Variants in THSD7A observed in about 807,000 individuals in gnomAD.
THSD7A encodes the protein thrombospondin type-1 domain-containing protein 7A.
THSD7A carries 96 observed loss-of-function variants against 231.3 expected under a neutral mutation model. The observed-to-expected ratio is 0.41, with a 90% confidence interval of 0.35 to 0.49. The LOEUF (loss-of-function observed/expected upper bound fraction) is 0.49. Among genes scored for constraint, THSD7A ranks in the 20% least tolerant of loss-of-function variants. THSD7A has a pLI of 0.05. For synonymous variants in THSD7A, 940 were observed against 743.3 expected (o/e 1.26, Z -4.30); for missense variants, 2,290 against 2,070.2 (o/e 1.11, Z -2.06).
intron 22 of THSD7A, among the ~76,000 whole-genome samples, chr7:11,405,162 T>TA: frequency 6.6e-6 from 1 of 151,708 alleles, no homozygotes; most frequent in East Asian, 1.9e-4. Context: ...ATTTTTTTTT[T>TA]TTTTTACGAA....
intron 2 of THSD7A, among the ~76,000 whole-genome samples, chr7:11,604,882 A>C (rs565118206): frequency 1.3e-5 from 2 of 152,258 alleles, no homozygotes; most frequent in African/African-American, 4.8e-5. Flanking sequence ...GATGGCATAT[A>C]TGCTTCTTAG....
intron 6 of THSD7A, among the ~76,000 whole-genome samples, chr7:11,497,095 A>G (rs1269805791): frequency 3.3e-5 from 5 of 152,186 alleles, no homozygotes; most frequent in Non-Finnish European, 2.9e-5. Flanking sequence ...ATCATGGTGG[A>G]AGGGGAAGCA....
intron 1 of THSD7A, among the ~76,000 whole-genome samples, chr7:11,645,449 G>C (rs534454217): frequency 6.6e-6 from 1 of 151,892 alleles, no homozygotes; most frequent in South Asian, 2.1e-4. Flanking sequence ...TAAATACAGA[G>C]ATTAATAAGT....
At chr7:11,592,953 C>T (rs1360091965) in intron 3 of THSD7A, among the ~76,000 whole-genome samples, 1 of 151,942 alleles carries the variant, frequency 6.6e-6, no homozygotes, top group African/African-American at 2.4e-5. Flanking sequence ...TGAGTCATTG[C>T]AATAGAGACA....
chr7:11,782,105 A>G lies in THSD7A; in HGVS notation c.190+49652T>C, dbSNP rs1021331461. On this transcript the variant is annotated intron_variant, in intron 1 of 27. Coordinates refer to ENST00000423059, the MANE Select transcript of THSD7A (RefSeq NM_015204.3). ...GGTTAAAAACCACTATTATGGGTATAAAGTTGTAATGTAATTTTTTTAAAA... is the reference window on the plus strand; with the variant it reads ...GGTTAAAAACCACTATTATGGGTATGAAGTTGTAATGTAATTTTTTTAAAA... Among the ~76,000 whole-genome samples, 12 of 152,194 alleles carry G rather than the reference A, an allele frequency of 7.9e-5. No individual in the cohort carries two copies. In the East Asian group the frequency reaches 2.3e-3, roughly 29 times the overall value.
At chr7:11,423,508 A>G (rs972974890) in intron 16 of THSD7A, among the ~76,000 whole-genome samples, 9 of 151,886 alleles carry the variant, frequency 5.9e-5, no homozygotes, top group South Asian at 2.1e-4. Flanking sequence ...AGCTGGGACT[A>G]CAGGTGCCCG....
chr7:11,535,265 C>T (rs2107143), intron 6 of THSD7A, among the ~76,000 whole-genome samples: 113,730 of 152,032 alleles, frequency 0.75, 43,342 homozygotes, highest in African/African-American at 0.88. Flanking sequence ...TCAACTCTGA[C>T]GGTTTTTTCT....
At position 11,446,749 on chromosome 7, in the gene THSD7A, G is replaced by C. The variant is rs185378196; in HGVS notation, c.2801-425C>G. The stretch of plus-strand genomic sequence containing the variant: ...AATATTTCAAATGCACCAAGCTTTA[G>C]TTCAGAGTGATGGATCCTAATCCTG... On this transcript the variant is annotated intron_variant, in intron 12 of 27. Transcript: ENST00000423059. The surrounding 1 kb of genome is among the most constrained non-coding windows in gnomAD (Gnocchi z 4.0). Among the ~76,000 whole-genome samples the C allele has an allele frequency of 1.2e-4, 18 of 152,218 alleles. 1 individual carries two copies. In the East Asian group the frequency reaches 3.5e-3, roughly 29 times the overall value.
intron 7 of THSD7A, among the ~76,000 whole-genome samples, chr7:11,476,332 C>T (rs566691162): frequency 9.8e-4 from 147 of 149,868 alleles, no homozygotes; most frequent in African/African-American, 3.4e-3. Context: ...CACACACACA[C>T]ACACACACAC....
intron 4 of THSD7A, among the ~76,000 whole-genome samples, chr7:11,543,495 A>C (rs1789240743): frequency 6.6e-6 from 1 of 152,220 alleles, no homozygotes; most frequent in Admixed American, 6.5e-5. Flanking sequence ...GAACAAAAAT[A>C]GGAGGGGGAC....
chr7:11,585,121 A>C (rs1391920882), intron 4 of THSD7A, among the ~76,000 whole-genome samples: 1 of 152,172 alleles, frequency 6.6e-6, no homozygotes, highest in Non-Finnish European at 1.5e-5. Flanking sequence ...TTTTTGGTTG[A>C]ATACTTCCTG....
chr7:11,662,918 A>T (rs1489919852), intron 1 of THSD7A, among the ~76,000 whole-genome samples: 1 of 151,422 alleles, frequency 6.6e-6, no homozygotes, highest in Non-Finnish European at 1.5e-5. Flanking sequence ...AGAATAAGAA[A>T]ACTTATCATT....
intron 2 of THSD7A, 141 bp downstream of exon 2, chr7:11,635,989 C>G: frequency 1.4e-6 from 1 of 703,186 alleles, no homozygotes; most frequent in Non-Finnish European, 2.3e-6. Context: ...CACACAAGCT[C>G]AGAAGCCTTA....
intron 1 of THSD7A, among the ~76,000 whole-genome samples, chr7:11,727,258 C>T (rs1252377520): frequency 2.0e-5 from 3 of 151,950 alleles, no homozygotes; most frequent in African/African-American, 7.2e-5. Context: ...TCTTAAACCT[C>T]TCATTCATTC....
Position 11,469,916 on chromosome 7 carries a change from A to G in THSD7A, c.2331T>C (p.Tyr777=), listed in dbSNP as rs371941400. Residue 777 remains tyrosine (Y), a synonymous_variant, in exon 9 of 28, where the codon TAT becomes TAC. Transcript: ENST00000423059. ...AAGAGGGGCATGATGTCCAGTCACT[A>G]TATGGGGTCACAATACAGTCCTTCT... The part of the protein sequence containing the change: ...PCKKDCIVTP[Y]SDWTSCPSSC... 1.3e-5 allele frequency: 21 copies of G among 1,602,652 alleles called. No homozygotes were observed. Among genetic ancestry groups the G allele is most frequent in the African/African-American group, 8.0e-5 (6 of 74,768 alleles).
At chr7:11,609,672 C>T (rs1039177883) in intron 2 of THSD7A, among the ~76,000 whole-genome samples, 3 of 152,102 alleles carry the variant, frequency 2.0e-5, no homozygotes, top group Admixed American at 6.6e-5. Flanking sequence ...TGTATTGTGA[C>T]CACAGGCAGG....
chr7:11,566,963 A>AGTAGCGGG lies in THSD7A; in HGVS notation c.1453+23496_1453+23497insCCCGCTAC, dbSNP rs1562725569. ...GGCAAAGTGGATCCAGCTGTGGGAG[A>AGTAGCGGG]GTGGGGGGGGGACTGACCAACAAAG... On this transcript the variant is annotated intron_variant, in intron 4 of 27. Coordinates refer to ENST00000423059, the MANE Select transcript of THSD7A (RefSeq NM_015204.3). Among the ~76,000 whole-genome samples the AGTAGCGGG allele has an allele frequency of 6.3e-5, 2 of 31,602 alleles. 1 individual carries two copies. Among genetic ancestry groups the AGTAGCGGG allele is most frequent in the Non-Finnish European group, 1.0e-4 (2 of 19,840 alleles). 20.7% of individuals were successfully genotyped at this position (31,602 alleles called of 152,430 possible). A position where few individuals can be genotyped will look rare whatever the true frequency, so the allele number is the denominator to read the frequency against.
At chr7:11,582,762 C>G (rs1791220369) in intron 4 of THSD7A, among the ~76,000 whole-genome samples, 1 of 152,136 alleles carries the variant, frequency 6.6e-6, no homozygotes, top group Non-Finnish European at 1.5e-5. Flanking sequence ...CTGAAAATTT[C>G]ACTATTAATT....
At chr7:11,784,888 C>T (rs1783740585) in intron 1 of THSD7A, among the ~76,000 whole-genome samples, 1 of 152,060 alleles carries the variant, frequency 6.6e-6, no homozygotes, top group Non-Finnish European at 1.5e-5. Context: ...GCCAAGTACC[C>T]TAAGGGATCT....
Sources: allele counts gnomAD v4.1 joint callset (sites outside exome capture counted in the v4.1 genomes callset), GRCh38; gene constraint gnomAD v4.1.1; non-coding constraint Gnocchi (gnomAD v3.1); transcripts MANE v1.5; gene names NCBI Gene and HGNC (gene_info 2026-07-23, HGNC 2026-07-21).